The following FECH variants were observed in gnomAD, a reference collection of about 807,000 sequenced individuals.
The protein encoded by FECH is ferrochelatase.
A neutral mutation model predicts 56.9 loss-of-function variants in FECH; 40 were observed. The ratio of observed to expected loss-of-function variants is 0.70; its 90% CI spans 0.55 to 0.92. FECH has a LOEUF of 0.92. Among genes scored for constraint, FECH ranks in the 40% least tolerant of loss-of-function variants. FECH has a pLI of 0.00. For synonymous variants in FECH, 175 were observed against 198.6 expected (o/e 0.88, Z 1.00); for missense variants, 431 against 529.1 (o/e 0.81, Z 1.82).
In FECH at chr18:57,545,599, C is replaced by T. The variant is rs1284273516; in HGVS notation, c.*5113G>A. Among the ~76,000 whole-genome samples, 1 of 152,196 alleles carries T rather than the reference C, an allele frequency of 6.6e-6. No individual in the cohort carries two copies. The highest frequency in any genetic ancestry group is 1.5e-5 in the Non-Finnish European group (1 of 68,044). ...GAGCGATGGTCTGGCTGAAGGGCACCACCTGCTATTGCTCATCATATTCGT... is the reference window on the plus strand; with the variant it reads ...GAGCGATGGTCTGGCTGAAGGGCACTACCTGCTATTGCTCATCATATTCGT... On this transcript the variant is annotated 3_prime_UTR_variant, in exon 11 of 11. Transcript: ENST00000262093.
At chr18:57,566,733 A>G in intron 4 of FECH, 152 bp from the exon 5 acceptor site, 2 of 943,724 alleles carry the variant, frequency 2.1e-6, no homozygotes, top group South Asian at 1.4e-5. Context: ...TATTCCTTGG[A>G]TCTTATCCAC....
chr18:57,570,305 G>A (rs1406693632), intron 4 of FECH, among the ~76,000 whole-genome samples: 1 of 152,174 alleles, frequency 6.6e-6, no homozygotes, highest in Non-Finnish European at 1.5e-5. Context: ...ATGCACGGAG[G>A]AACTGCATAA....
At chr18:57,577,164 T>A (rs2051196281) in intron 2 of FECH, among the ~76,000 whole-genome samples, 1 of 152,176 alleles carries the variant, frequency 6.6e-6, no homozygotes, top group African/African-American at 2.4e-5. Flanking sequence ...CTCTAAGACA[T>A]GATTGGCCTG....
At chr18:57,557,737 C>T (rs937658644) in intron 7 of FECH, among the ~76,000 whole-genome samples, 1 of 152,082 alleles carries the variant, frequency 6.6e-6, no homozygotes, top group African/African-American at 2.4e-5. Context: ...GTGGAGGCTA[C>T]GGTGAGCTGT....
At chr18:57,561,981 C>T (rs2122281196) in intron 6 of FECH, among the ~76,000 whole-genome samples, 1 of 152,324 alleles carries the variant, frequency 6.6e-6, no homozygotes, top group South Asian at 2.1e-4. Flanking sequence ...GCCTAAGGAA[C>T]ACTGCTCTGG....
chr18:57,580,403 C>A (rs1450794384), intron 1 of FECH, among the ~76,000 whole-genome samples: 1 of 152,014 alleles, frequency 6.6e-6, no homozygotes, highest in Non-Finnish European at 1.5e-5. Context: ...CTAGGATGGC[C>A]GATGAGAGCC....
At chr18:57,550,908 C>G in intron 10 of FECH, 62 bp from the exon 11 acceptor site, 6 of 1,607,588 alleles carry the variant, frequency 3.7e-6, no homozygotes, top group Non-Finnish European at 5.1e-6. Flanking sequence ...TCTGCCATGC[C>G]CCCTCCTCCA....
At position 57,562,904 on chromosome 18, in the gene FECH, G is replaced by A. The variant is rs1442450727; in HGVS notation, c.675C>T (p.Asp225=). 1 of 1,614,076 alleles carries A rather than the reference G, an allele frequency of 6.2e-7. No individual in the cohort carries two copies. Among genetic ancestry groups the A allele is most frequent in the South Asian group, 1.1e-5 (1 of 91,080 alleles). The change falls in exon 6 of 11, where the codon GAC becomes GAT. Residue 225 remains aspartate, a synonymous_variant. Transcript: ENST00000262093. The stretch of plus-strand genomic sequence containing the variant: ...TGAGGAGGTGATGTGTGGGCCACCT[G>A]TCAATAGTGCTCCACTTCATCGTGG... ...RKPTMKWSTI[D]RWPTHHLLIQ...
At position 57,562,949 on chromosome 18, in the gene FECH, A is replaced by G. The variant is rs1474638123; in HGVS notation, c.630T>C (p.Tyr210=). 1 of 1,614,020 alleles carries G rather than the reference A, an allele frequency of 6.2e-7. No individual in the cohort carries two copies. Among genetic ancestry groups the G allele is most frequent in the East Asian group, 2.2e-5 (1 of 44,892 alleles). The stretch of plus-strand genomic sequence containing the variant: ...TCGTGGGCTTCCGTCCCACTTGATT[A>G]TAGTATCTGTAAATGGCATTTAAGC... ...GSSLNAIYRY[Y]NQVGRKPTMK... The change falls in exon 6 of 11, where the codon TAT becomes TAC. Residue 210 remains tyrosine, a synonymous_variant. Transcript: ENST00000262093.
In FECH at chr18:57,571,376, T is replaced by TCTA. The variant is rs1280279717; in HGVS notation, c.463+15_463+16insTAG. 4.5e-5 allele frequency: 73 copies of TCTA among 1,613,602 alleles called. No individual in the cohort carries two copies. Among genetic ancestry groups the TCTA allele is most frequent in the Non-Finnish European group, 6.1e-5 (72 of 1,179,638 alleles). ...AAGAACTAATCTAGTTACATGTTAA[T>TCTA]GAAGAAACACCATACCTGTGTTGGG... is the stretch of plus-strand genomic sequence containing the variant. On this transcript the variant is annotated intron_variant, in intron 4 of 10. Transcript: ENST00000262093.
At chr18:57,556,424 G>A (rs1413487113) in intron 7 of FECH, among the ~76,000 whole-genome samples, 1 of 152,132 alleles carries the variant, frequency 6.6e-6, no homozygotes, top group African/African-American at 2.4e-5. Flanking sequence ...AGTGGCCAGG[G>A]ATCACATCAC....
At chr18:57,582,085 G>T (rs148669065) in intron 1 of FECH, among the ~76,000 whole-genome samples, 2 of 151,704 alleles carry the variant, frequency 1.3e-5, no homozygotes, top group African/African-American at 4.8e-5. Flanking sequence ...GAACTTCATC[G>T]TGGGATTTAA....
At position 57,580,059 on chromosome 18, in the gene FECH, T is replaced by G; in HGVS notation, c.194+14A>C. 1 of 1,613,966 alleles carries G rather than the reference T, an allele frequency of 6.2e-7. No individual in the cohort carries two copies. The highest frequency in any genetic ancestry group is 8.5e-7 in the Non-Finnish European group (1 of 1,180,026). ...AAGAGAAATTCTTATTTGTACCTGA[T>G]GTTAGACTCATACCTCTTCTGCGGT... On this transcript the variant is annotated intron_variant, in intron 2 of 10. Coordinates refer to ENST00000262093, the MANE Select transcript of FECH (RefSeq NM_000140.5).
At chr18:57,586,100 C>T (rs757339036) in intron 1 of FECH, 11 of 164,390 alleles carry the variant, frequency 6.7e-5, no homozygotes, top group Non-Finnish European at 1.2e-4. Flanking sequence ...GAAGTGGGCA[C>T]AGAGGGACCA....
chr18:57,566,412 T>C (rs2051016644), intron 5 of FECH, 35 bp downstream of exon 5: 1 of 1,613,870 alleles, frequency 6.2e-7, no homozygotes, highest in Non-Finnish European at 8.5e-7. Context: ...GCCAGCACCG[T>C]ATCTACCTTT....
In FECH at chr18:57,549,192, G is replaced by A. The variant is rs923846012; in HGVS notation, c.*1520C>T. Reference sequence around the variant, plus strand: ...TAAAAATGTGGATGCTACTCATGAGGGCTGTCATCAACGTAGGAAAACTAT... The same window carrying A: ...TAAAAATGTGGATGCTACTCATGAGAGCTGTCATCAACGTAGGAAAACTAT... On this transcript the variant is annotated 3_prime_UTR_variant, in exon 11 of 11. Coordinates refer to ENST00000262093, the MANE Select transcript of FECH (RefSeq NM_000140.5). 3 of 152,006 alleles carry A rather than the reference G, an allele frequency of 2.0e-5. No individual in the cohort carries two copies. The highest frequency in any genetic ancestry group is 2.9e-5 in the Non-Finnish European group (2 of 67,988). 9.4% of individuals were successfully genotyped at this position (152,006 alleles called of 1,614,324 possible). A position where few individuals can be genotyped will look rare whatever the true frequency, so the allele number is the denominator to read the frequency against.
Position 57,551,329 on chromosome 18 carries a change from G to A in FECH, c.1123C>T (p.Pro375Ser), listed in dbSNP as rs1475256468. 1.9e-6 allele frequency: 3 copies of A among 1,612,094 alleles called. No individual in the cohort carries two copies. Among genetic ancestry groups the A allele is most frequent in the Non-Finnish European group, 2.5e-6 (3 of 1,178,290 alleles). The stretch of plus-strand genomic sequence containing the variant: ...ACTGTAGATACCTTAGAGAACAATG[G>A]ATTTCCATTAAGAGACTCAGCTCTT... ...IRRAESLNGNPLFSKALADLV... is the reference protein window; with the variant it reads ...IRRAESLNGNSLFSKALADLV... The change falls in exon 10 of 11, where the codon CCA (proline) becomes TCA (serine). Residue 375 changes from proline to serine, a missense_variant. Coordinates refer to ENST00000262093, the MANE Select transcript of FECH (RefSeq NM_000140.5).
At position 57,550,820 on chromosome 18, in the gene FECH, G is replaced by T. The variant is rs1251198334; in HGVS notation, c.1164C>A (p.His388Gln). ...TGGAACACAGCTCGTTTGACTGGATGTGTGAATGCACCAAGTCGGCCAGGG... is the reference window on the plus strand; with the variant it reads ...TGGAACACAGCTCGTTTGACTGGATTTGTGAATGCACCAAGTCGGCCAGGG... Reference protein sequence around the residue: ...SKALADLVHSHIQSNELCSKQ... With the variant: ...SKALADLVHSQIQSNELCSKQ... Residue 388 changes from histidine (H) to glutamine (Q), a missense_variant, in exon 11 of 11, where the codon CAC becomes CAA. His to Gln is a conservative substitution (Grantham distance 24, BLOSUM62 0). Transcript: ENST00000262093. 3.1e-6 allele frequency: 5 copies of T among 1,614,070 alleles called. No individual in the cohort carries two copies. In the African/African-American group the frequency reaches 4.0e-5, roughly 13 times the overall value.
rs746853386 is a variant in FECH at position 57,554,468 on chromosome 18, G to A, written c.913-44C>T. The A allele has an allele frequency of 2.0e-5, 32 of 1,610,236 alleles. 1 individual carries two copies. In the South Asian group the frequency reaches 3.5e-4, roughly 18 times the overall value. On this transcript the variant is annotated intron_variant, in intron 8 of 10. Transcript: ENST00000262093. ...AATGCGTAAGTGGACTATGCCTCCT[G>A]ACGGTCTGTAGTACCCCTGTTTGCC...
Sources: gnomAD v4.1 joint callset for allele counts (sites outside exome capture counted in the v4.1 genomes callset) on GRCh38, gnomAD v4.1.1 for gene constraint, MANE v1.5 for transcripts, NCBI Gene and HGNC (gene_info 2026-07-23, HGNC 2026-07-21) for gene names.